Variants in DLAT observed in about 807,000 individuals in gnomAD.
DLAT encodes the protein dihydrolipoyllysine-residue acetyltransferase component of pyruvate dehydrogenase complex, mitochondrial.
Under a neutral mutation model 68.0 loss-of-function variants are expected in DLAT, and 43 were observed. The observed-to-expected ratio is 0.63, with a 90% CI of 0.50 to 0.81. DLAT has a LOEUF of 0.81. Ranked by LOEUF, DLAT falls within the 40% of genes least tolerant of loss-of-function variation. The pLI is 0.00. For missense variants in DLAT, 745 were observed against 815.4 expected (o/e 0.91, Z 1.05); for synonymous variants, 265 against 288.6 (o/e 0.92, Z 0.83).
rs140688968 is a variant in DLAT at position 112,027,984 on chromosome 11, C to T, written c.382-531C>T. ...TGTTTTAAAGTAACGGAGATGAGTT[C>T]GAAGAGACTGGCTTTGCCTAATTGA... On this transcript the variant is annotated intron_variant, in intron 2 of 13. Transcript: ENST00000280346. Among the ~76,000 whole-genome samples the T allele has an allele frequency of 5.3e-5, 8 of 151,018 alleles. No individual in the cohort carries two copies. In the East Asian group the frequency reaches 1.4e-3, roughly 26 times the overall value.
chr11:112,057,502 T>C (rs60263509), intron 11 of DLAT, among the ~76,000 whole-genome samples: 8,821 of 152,274 alleles, frequency 0.058, 711 homozygotes, highest in African/African-American at 0.18. Context: ...ACACGAATGA[T>C]AAGAAAGTGA....
chr11:112,039,545 A>T (rs1555180862), intron 7 of DLAT, 148 bp downstream of exon 7: 2 of 877,268 alleles, frequency 2.3e-6, no homozygotes, highest in Non-Finnish European at 3.6e-6. Flanking sequence ...AGGGAGAAAT[A>T]GTTCTTTTGT....
At position 112,062,505 on chromosome 11, in the gene DLAT, C is replaced by T. The variant is rs1864700300; in HGVS notation, c.1914C>T (p.Tyr638=). Residue 638 remains tyrosine, a synonymous_variant, in exon 14 of 14, where the codon TAC becomes TAT. Coordinates refer to ENST00000280346, the MANE Select transcript of DLAT (RefSeq NM_001931.5). ...GAQWLAEFRK[Y]LEKPITMLL Reference sequence around the variant, plus strand: ...AGTGGCTTGCTGAGTTTAGAAAGTACCTTGAAAAACCTATCACTATGTTGT... The same window carrying T: ...AGTGGCTTGCTGAGTTTAGAAAGTATCTTGAAAAACCTATCACTATGTTGT... 3.1e-6 allele frequency: 5 copies of T among 1,612,452 alleles called. No homozygotes were observed. Among genetic ancestry groups the T allele is most frequent in the Non-Finnish European group, 4.2e-6 (5 of 1,179,984 alleles).
At chr11:112,043,612 C>T (rs918844772) in intron 8 of DLAT, 79 bp downstream of exon 8, 16 of 1,169,434 alleles carry the variant, frequency 1.4e-5, no homozygotes, top group African/African-American at 1.2e-4. Context: ...TATTTATGAA[C>T]GAAATAGCTC....
At chr11:112,033,053 G>T (rs1216100196) in intron 4 of DLAT, among the ~76,000 whole-genome samples, 1 of 152,134 alleles carries the variant, frequency 6.6e-6, no homozygotes, top group Non-Finnish European at 1.5e-5. Context: ...GACAGAGCAA[G>T]ACTCTGTCTC....
At chr11:112,043,394 G>C in intron 7 of DLAT, 72 bp from the exon 8 acceptor site, 1 of 1,407,370 alleles carries the variant, frequency 7.1e-7, no homozygotes, top group South Asian at 1.1e-5. Context: ...TTGCAGTTTA[G>C]GATCACAGCG....
chr11:112,035,777 C>T lies in DLAT; in HGVS notation c.788-1496C>T, dbSNP rs1175891879. Among the ~76,000 whole-genome samples the T allele has an allele frequency of 3.5e-5, 5 of 142,466 alleles. No homozygotes were observed. In the Admixed American group the frequency reaches 3.6e-4, roughly 10 times the overall value. The allele number at this position is 142,466 out of a possible 152,430, so 93.5% of individuals were successfully genotyped here. A position where few individuals can be genotyped will look rare whatever the true frequency, so the allele number is the denominator to read the frequency against. The stretch of plus-strand genomic sequence containing the variant: ...TGCTGGGATTACAGGCGTGAGCCAC[C>T]ACCGCACCCAGCCTTTTTTTTTTTT... On this transcript the variant is annotated intron_variant, in intron 5 of 13. Transcript: ENST00000280346.
At chr11:112,056,155 G>A (rs1555182553) in intron 11 of DLAT, among the ~76,000 whole-genome samples, 25 of 151,924 alleles carry the variant, frequency 1.6e-4, no homozygotes. Flanking sequence ...ATGAGCCACC[G>A]TGCCTGGCCG....
chr11:112,061,425 C>T (rs183016975), intron 13 of DLAT: 177 of 438,544 alleles, frequency 4.0e-4, no homozygotes, highest in African/African-American at 2.2e-3. Context: ...GTGTAGTGCC[C>T]GGTGTGCAGC....
chr11:112,036,151 ATATGTGTGTGTATATATGTGTG>A (rs1364983833), intron 5 of DLAT, among the ~76,000 whole-genome samples: 14 of 135,266 alleles, frequency 1.0e-4, no homozygotes, highest in Non-Finnish European at 1.9e-4. Context: ...GTATATATAT[ATATGTGTGTGTATATATGTGTG>A]TGTGTGTGTG....
intron 9 of DLAT, 108 bp downstream of exon 9, chr11:112,045,338 A>G: frequency 3.2e-6 from 3 of 945,186 alleles, no homozygotes; most frequent in Non-Finnish European, 5.1e-6. Flanking sequence ...AGTTGGGAAT[A>G]TTGGATGATT....
intron 11 of DLAT, among the ~76,000 whole-genome samples, chr11:112,054,790 C>T (rs879969297): frequency 6.6e-6 from 1 of 152,176 alleles, no homozygotes; most frequent in Non-Finnish European, 1.5e-5. Context: ...AGGGGCAATG[C>T]GTTCCCTCCA....
chr11:112,038,069 A>G (rs1862867814), intron 6 of DLAT, among the ~76,000 whole-genome samples: 1 of 152,216 alleles, frequency 6.6e-6, no homozygotes, highest in Non-Finnish European at 1.5e-5. Flanking sequence ...CTGACAGTGA[A>G]GCTTCAGTGA....
At chr11:112,043,582 T>C (rs1371712128) in intron 8 of DLAT, 49 bp downstream of exon 8, 1 of 1,412,942 alleles carries the variant, frequency 7.1e-7, no homozygotes, top group Non-Finnish European at 1.0e-6. Context: ...CTCTACAGCC[T>C]GTTAGACCAT....
At position 112,039,325 on chromosome 11, in the gene DLAT, G is replaced by A; in HGVS notation, c.1057G>A (p.Gly353Arg). The A allele has an allele frequency of 6.2e-7, 1 of 1,614,072 alleles. No individual in the cohort carries two copies. The highest frequency in any genetic ancestry group is 1.1e-5 in the South Asian group (1 of 91,074). Residue 353 changes from glycine to arginine, a missense_variant, in exon 7 of 14, where the codon GGA (glycine) becomes AGA (arginine). Transcript: ENST00000280346. ...PCPATPAGPKGRVFVSPLAKK... is the reference protein window; with the variant it reads ...PCPATPAGPKRRVFVSPLAKK... ...CCCAGCTACTCCTGCTGGACCAAAG[G>A]GAAGGGTGTTTGTTAGCCCTCTTGC... is the stretch of plus-strand genomic sequence containing the variant.
At chr11:112,040,972 CAG>C (rs1863024724) in intron 7 of DLAT, among the ~76,000 whole-genome samples, 1 of 151,494 alleles carries the variant, frequency 6.6e-6, no homozygotes, top group South Asian at 2.1e-4. Flanking sequence ...ACTATGCAGG[CAG>C]AGTTAGGTGA....
At chr11:112,029,256 A>T (rs1026263501) in intron 4 of DLAT, among the ~76,000 whole-genome samples, 6 of 152,214 alleles carry the variant, frequency 3.9e-5, no homozygotes, top group African/African-American at 1.2e-4. Flanking sequence ...TATTCCCTGT[A>T]TAATTAGAGT....
At chr11:112,030,659 A>T (rs1862343291) in intron 4 of DLAT, among the ~76,000 whole-genome samples, 1 of 152,248 alleles carries the variant, frequency 6.6e-6, no homozygotes, top group Non-Finnish European at 1.5e-5. Context: ...TAACTAAATC[A>T]GTTTCTAAGA....
At chr11:112,060,334 G>T (rs1444446675) in intron 12 of DLAT, among the ~76,000 whole-genome samples, 1 of 151,142 alleles carries the variant, frequency 6.6e-6, no homozygotes, top group Non-Finnish European at 1.5e-5. Context: ...CTAGTTTTTT[G>T]TATTTTTAGT....
Sources: allele counts gnomAD v4.1 joint callset (sites outside exome capture counted in the v4.1 genomes callset), GRCh38; gene constraint gnomAD v4.1.1; transcripts MANE v1.5; gene names NCBI Gene and HGNC (gene_info 2026-07-23, HGNC 2026-07-21).